DLGAP2: variants seen among roughly 807,000 people sequenced by gnomAD.
DLGAP2 encodes the protein disks large-associated protein 2.
In DLGAP2, 26 loss-of-function variants were observed where a neutral mutation model predicts 100.3. That is an observed-to-expected ratio of 0.26 (90% CI 0.19 to 0.36). The LOEUF is 0.36. Ranked by LOEUF, DLGAP2 falls within the 10% of genes least tolerant of loss-of-function variation. DLGAP2 has a pLI of 1.00. For missense variants in DLGAP2, 1,858 were observed against 1,453.2 expected, an observed-to-expected ratio of 1.28 and a Z score of -4.53; for synonymous variants, 886 against 630.1, an observed-to-expected ratio of 1.41 and a Z score of -6.08.
chr8:803,052 C>T (rs1796202358), intron 1 of DLGAP2, among the ~76,000 whole-genome samples: 1 of 152,178 alleles, frequency 6.6e-6, no homozygotes, highest in African/African-American at 2.4e-5. Flanking sequence ...ACAAGGAGAC[C>T]CAGGTAACAG....
intron 3 of DLGAP2, among the ~76,000 whole-genome samples, chr8:1,352,807 C>T (rs973874383): frequency 3.3e-5 from 5 of 152,284 alleles, no homozygotes; most frequent in Admixed American, 2.6e-4. Flanking sequence ...CCAGCCCCTA[C>T]CCAAGGTCTG....
chr8:1,230,217 G>C lies in DLGAP2; in HGVS notation c.74-28634G>C, dbSNP rs554662181. Among the ~76,000 whole-genome samples, 20 of 152,228 alleles carry C rather than the reference G, an allele frequency of 1.3e-4. No individual in the cohort carries two copies. In the East Asian group the frequency reaches 3.3e-3, roughly 25 times the overall value. ...AAATCAGTAGCATTTCTAGAAACCAGTGAAGTTCAAACTGAGAGCCAAATC... is the reference window on the plus strand; with the variant it reads ...AAATCAGTAGCATTTCTAGAAACCACTGAAGTTCAAACTGAGAGCCAAATC... On this transcript the variant is annotated intron_variant, in intron 2 of 14. Transcript: ENST00000637795.
At chr8:1,208,071 G>C (rs1468125844) in intron 2 of DLGAP2, among the ~76,000 whole-genome samples, 1 of 152,092 alleles carries the variant, frequency 6.6e-6, no homozygotes, top group Non-Finnish European at 1.5e-5. Context: ...TTTAGTTTAA[G>C]TCTCTTCTGT....
chr8:1,337,398 G>GACA (rs1304277325), intron 3 of DLGAP2, among the ~76,000 whole-genome samples: 6 of 65,022 alleles, frequency 9.2e-5, no homozygotes, highest in African/African-American at 6.7e-4. Context: ...TGAGGATGAT[G>GACA]GTGATGATGG....
chr8:961,104 T>C (rs1201157036), intron 2 of DLGAP2, among the ~76,000 whole-genome samples: 1 of 152,244 alleles, frequency 6.6e-6, no homozygotes, highest in Admixed American at 6.5e-5. Context: ...ACGTTGTACA[T>C]ATTCCATTAG....
chr8:1,178,487 G>T lies in DLGAP2; in HGVS notation c.74-80364G>T, dbSNP rs186950178. Among the ~76,000 whole-genome samples, 9 of 152,264 alleles carry T rather than the reference G, an allele frequency of 5.9e-5. No homozygotes were observed. The East Asian group carries it at 1.5e-3, about 26-fold the overall frequency. Reference sequence around the variant, plus strand: ...AATAATAGACGTCCTTATTAAAACAGCTGAACATAAATATCAAGTAACGTT... The same window carrying T: ...AATAATAGACGTCCTTATTAAAACATCTGAACATAAATATCAAGTAACGTT... On this transcript the variant is annotated intron_variant, in intron 2 of 14. Transcript: ENST00000637795.
At chr8:1,268,611 C>G (rs996490650) in intron 3 of DLGAP2, among the ~76,000 whole-genome samples, 2 of 152,166 alleles carry the variant, frequency 1.3e-5, no homozygotes, top group Non-Finnish European at 1.5e-5. Flanking sequence ...TGCTGAGAGT[C>G]AAGTATCCTT....
At position 863,921 on chromosome 8, in the gene DLGAP2, C is replaced by T. The variant is rs537937016; in HGVS notation, c.19-43991C>T. On this transcript the variant is annotated intron_variant, in intron 1 of 14. Coordinates refer to ENST00000637795, the MANE Select transcript of DLGAP2 (RefSeq NM_001346810.2). ...ATCGGCCCCCAGGTCCATTGCGGCA[C>T]CCTTCCCCACAGCCCAGAAACGGAA... 5.3e-4 allele frequency among the ~76,000 whole-genome samples: 80 copies of T among 152,240 alleles called. 2 individuals carry two copies. The South Asian group carries it at 0.016, about 30-fold the overall frequency.
At chr8:1,182,931 G>A (rs955915038) in intron 2 of DLGAP2, among the ~76,000 whole-genome samples, 4 of 152,168 alleles carry the variant, frequency 2.6e-5, no homozygotes, top group Non-Finnish European at 5.9e-5. Flanking sequence ...CCCTGCGGTG[G>A]CATGGGTGGG....
intron 3 of DLGAP2, among the ~76,000 whole-genome samples, chr8:1,455,170 C>T (rs1798273921): frequency 6.6e-6 from 1 of 152,238 alleles, no homozygotes; most frequent in African/African-American, 2.4e-5. Context: ...GTCTAAAGCC[C>T]AGAGGGAGAT....
At chr8:852,077 A>T (rs923420380) in intron 1 of DLGAP2, among the ~76,000 whole-genome samples, 66 of 152,238 alleles carry the variant, frequency 4.3e-4, no homozygotes, top group African/African-American at 1.5e-3. Flanking sequence ...CAGCTGTGAG[A>T]ATTGGCTTTG....
At chr8:793,697 T>A (rs1158197399) in intron 1 of DLGAP2, among the ~76,000 whole-genome samples, 1 of 152,264 alleles carries the variant, frequency 6.6e-6, no homozygotes. Flanking sequence ...TAGATTTCCC[T>A]GACGGAGTCC....
At chr8:916,856 A>G (rs1798604407) in intron 2 of DLGAP2, among the ~76,000 whole-genome samples, 1 of 152,062 alleles carries the variant, frequency 6.6e-6, no homozygotes, top group African/African-American at 2.4e-5. Context: ...GGAAGCCTGG[A>G]GTTGAGCTCC....
intron 1 of DLGAP2, among the ~76,000 whole-genome samples, chr8:859,476 G>A (rs1797348392): frequency 6.6e-6 from 1 of 152,162 alleles, no homozygotes; most frequent in Admixed American, 6.6e-5. Context: ...TGCCTTGCCT[G>A]AGAGCTGGTT....
At chr8:1,327,267 C>A (rs77466898) in intron 3 of DLGAP2, among the ~76,000 whole-genome samples, 11 of 152,216 alleles carry the variant, frequency 7.2e-5, no homozygotes, top group Non-Finnish European at 1.5e-4. Context: ...TTGGCCAAGG[C>A]GGATGTGATG....
chr8:1,521,801 G>C (rs1800608341), intron 4 of DLGAP2, among the ~76,000 whole-genome samples: 1 of 144,588 alleles, frequency 6.9e-6, no homozygotes, highest in Admixed American at 6.9e-5. Flanking sequence ...CAGGTGATAT[G>C]GGGCATCTGG....
intron 12 of DLGAP2, among the ~76,000 whole-genome samples, chr8:1,681,282 C>T (rs1798937344): frequency 6.6e-6 from 1 of 151,950 alleles, no homozygotes; most frequent in East Asian, 1.9e-4. Flanking sequence ...TTAGTGCATA[C>T]TTTCAATTTC....
In DLGAP2 at chr8:854,304, G is replaced by T. The variant is rs369003028; in HGVS notation, c.19-53608G>T. ...CAAGGCCCAGCAAGGAGGAGCTGCT[G>T]AGTGGGGGCCTTCAGTGGGTATCCT... On this transcript the variant is annotated intron_variant, in intron 1 of 14. Transcript: ENST00000637795. 1.8e-3 allele frequency among the ~76,000 whole-genome samples: 277 copies of T among 152,282 alleles called. 1 individual carries two copies. Among genetic ancestry groups the T allele is most frequent in the African/African-American group, 6.4e-3 (267 of 41,578 alleles).
intron 3 of DLGAP2, among the ~76,000 whole-genome samples, chr8:1,476,011 T>C (rs544768504): frequency 2.6e-5 from 4 of 152,320 alleles, no homozygotes; most frequent in South Asian, 4.1e-4. Context: ...CCAACACTCC[T>C]TTTGAATAAG....
Sources: gnomAD v4.1 joint callset for allele counts (sites outside exome capture counted in the v4.1 genomes callset) on GRCh38, gnomAD v4.1.1 for gene constraint, MANE v1.5 for transcripts, NCBI Gene and HGNC (gene_info 2026-07-23, HGNC 2026-07-21) for gene names.